Variants in TMC7 observed in about 807,000 individuals in gnomAD.
The protein encoded by TMC7 is transmembrane channel-like protein 7.
Under a neutral mutation model 82.9 loss-of-function variants are expected in TMC7, and 54 were observed. The ratio of observed to expected loss-of-function variants is 0.65; its 90% CI spans 0.52 to 0.82. The LOEUF (loss-of-function observed/expected upper bound fraction) is 0.82. TMC7 is among the 40% of genes least tolerant of loss of function. The pLI, the probability that TMC7 is intolerant of heterozygous loss-of-function variation, is 0.00. For missense variants in TMC7, 820 were observed against 901.2 expected (o/e 0.91, Z 1.15); for synonymous variants, 350 against 337.9 (o/e 1.04, Z -0.39).
At chr16:19,051,231 C>A (rs1961522886) in intron 12 of TMC7, among the ~76,000 whole-genome samples, 1 of 107,746 alleles carries the variant, frequency 9.3e-6, no homozygotes, top group South Asian at 4.1e-4. Flanking sequence ...TTTTTCTCCA[C>A]CAAAATCTTT....
intron 1 of TMC7, 176 bp downstream of exon 1, chr16:18,984,306 C>G: frequency 1.5e-6 from 2 of 1,316,490 alleles, no homozygotes; most frequent in Middle Eastern, 2.9e-4. Context: ...CCTGCTCCCT[C>G]CACAAACGCG....
chr16:19,045,888 G>A (rs1473091828), intron 11 of TMC7, among the ~76,000 whole-genome samples: 5 of 151,930 alleles, frequency 3.3e-5, no homozygotes, highest in Non-Finnish European at 7.4e-5. Flanking sequence ...GAGCCACCGC[G>A]CCCGGCCAAG....
At chr16:19,054,798 G>T (rs898255326) in intron 13 of TMC7, among the ~76,000 whole-genome samples, 2 of 137,508 alleles carry the variant, frequency 1.5e-5, no homozygotes, top group African/African-American at 5.4e-5. Context: ...AGGCTGGAGT[G>T]CAGTGTCACC....
chr16:19,020,469 ATTG>A (rs1959912379), intron 3 of TMC7, among the ~76,000 whole-genome samples: 2 of 152,214 alleles, frequency 1.3e-5, no homozygotes, highest in African/African-American at 4.8e-5. Context: ...AACAAGGTTT[ATTG>A]TTAATGTTAG....
intron 2 of TMC7, among the ~76,000 whole-genome samples, chr16:19,011,961 G>A (rs971905392): frequency 2.3e-4 from 35 of 152,040 alleles, no homozygotes; most frequent in Non-Finnish European, 7.4e-5. Context: ...GGGCAATGTA[G>A]TGAAACCCTG....
chr16:19,024,996 A>T (rs1187389286), intron 5 of TMC7, among the ~76,000 whole-genome samples: 1 of 152,064 alleles, frequency 6.6e-6, no homozygotes, highest in Non-Finnish European at 1.5e-5. Flanking sequence ...ACAGAGTGAG[A>T]CGCTGTCTCA....
chr16:19,017,814 G>A (rs906774781), intron 3 of TMC7, among the ~76,000 whole-genome samples: 30 of 152,072 alleles, frequency 2.0e-4, no homozygotes, highest in African/African-American at 7.2e-4. Flanking sequence ...GGGACTACAG[G>A]TGCCCGCCAC....
rs115798308 is a variant in TMC7 at position 19,048,055 on chromosome 16, T to G, written c.1740+806T>G. ...TTTGAGAGTTTTGTTAAGAATTTTTTTTATTAAGGCTGGATGTATTTTGTA... is the reference window on the plus strand; with the variant it reads ...TTTGAGAGTTTTGTTAAGAATTTTTGTTATTAAGGCTGGATGTATTTTGTA... On this transcript the variant is annotated intron_variant, in intron 12 of 15. Coordinates refer to ENST00000304381, the MANE Select transcript of TMC7 (RefSeq NM_024847.4). Among the ~76,000 whole-genome samples the G allele has an allele frequency of 8.4e-3, 1,276 of 152,270 alleles. 24 individuals are homozygous for G. The highest frequency in any genetic ancestry group is 0.029 in the African/African-American group (1,222 of 41,542).
intron 9 of TMC7, among the ~76,000 whole-genome samples, chr16:19,042,102 C>T (rs960661194): frequency 3.3e-5 from 5 of 152,280 alleles, no homozygotes; most frequent in East Asian, 1.9e-4. Flanking sequence ...TGTATCCCAG[C>T]AGAGGCACAG....
At chr16:19,019,720 G>A (rs1291284794) in intron 3 of TMC7, among the ~76,000 whole-genome samples, 1 of 152,132 alleles carries the variant, frequency 6.6e-6, no homozygotes, top group Admixed American at 6.6e-5. Context: ...GCTTTCTTCA[G>A]ATTTTCATTC....
chr16:19,052,581 G>GT (rs1961587673), intron 13 of TMC7, among the ~76,000 whole-genome samples: 1 of 152,174 alleles, frequency 6.6e-6, no homozygotes, highest in South Asian at 2.1e-4. Flanking sequence ...GGAGGCCCAG[G>GT]TGGGGGTACT....
At chr16:19,059,671 C>G in intron 15 of TMC7, 177 bp downstream of exon 15, 1 of 1,539,412 alleles carries the variant, frequency 6.5e-7, no homozygotes, top group Non-Finnish European at 8.7e-7. Flanking sequence ...ACTGATTCAT[C>G]CATTCCTTCA....
In TMC7 at chr16:19,060,037, G is replaced by A. The variant is rs554183723; in HGVS notation, c.2106+543G>A. 8 of 202,972 alleles carry A rather than the reference G, an allele frequency of 3.9e-5. No individual in the cohort carries two copies. The South Asian group carries it at 7.4e-4, about 19-fold the overall frequency. The allele number at this position is 202,972 out of a possible 1,614,324, so 12.6% of individuals were successfully genotyped here. Reference sequence around the variant, plus strand: ...CTACTCTGTGCCTTGTACTATGCTGGGTGCTGGGACGCTTTGGTGAACAAG... The same window carrying A: ...CTACTCTGTGCCTTGTACTATGCTGAGTGCTGGGACGCTTTGGTGAACAAG... On this transcript the variant is annotated intron_variant, in intron 15 of 15. Transcript: ENST00000304381.
chr16:19,054,239 A>G (rs1961666461), intron 13 of TMC7, among the ~76,000 whole-genome samples: 1 of 152,082 alleles, frequency 6.6e-6, no homozygotes, highest in Non-Finnish European at 1.5e-5. Context: ...TCATTTTGAA[A>G]AAGTTTAAAT....
Position 19,056,709 on chromosome 16 carries a change from C to T in TMC7, c.2027+12C>T. On this transcript the variant is annotated intron_variant, in intron 14 of 15. Coordinates refer to ENST00000304381, the MANE Select transcript of TMC7 (RefSeq NM_024847.4). The stretch of plus-strand genomic sequence containing the variant: ...TTCATGATTATTTGGTGAGTGAGAA[C>T]CACCAGGACCCACTGAGGCACGTGG... 1.9e-6 allele frequency: 3 copies of T among 1,611,434 alleles called. No individual in the cohort carries two copies. The highest frequency in any genetic ancestry group is 2.5e-6 in the Non-Finnish European group (3 of 1,178,218).
chr16:19,024,507 C>T (rs1960130525), intron 5 of TMC7, among the ~76,000 whole-genome samples: 1 of 151,956 alleles, frequency 6.6e-6, no homozygotes, highest in Admixed American at 6.6e-5. Context: ...CTATCTTTGC[C>T]CTTTAGACCA....
intron 5 of TMC7, among the ~76,000 whole-genome samples, chr16:19,025,215 C>A (rs1467568333): frequency 6.6e-6 from 1 of 152,068 alleles, no homozygotes; most frequent in Non-Finnish European, 1.5e-5. Flanking sequence ...CAAATGTTTC[C>A]TAGTGGACAA....
chr16:19,061,695 ATCC>A, intron 15 of TMC7, 80 bp from the exon 16 acceptor site: 1 of 1,202,596 alleles, frequency 8.3e-7, no homozygotes, highest in Non-Finnish European at 1.2e-6. Flanking sequence ...AGTGGTTAGA[ATCC>A]TCAGCCCTCA....
At chr16:19,012,124 T>C (rs1959389316) in intron 2 of TMC7, 1 of 68,126 alleles carries the variant, frequency 1.5e-5, no homozygotes, top group South Asian at 6.9e-4. Context: ...AGTGAGATGT[T>C]GTCTCAAAAA....
Sources: allele counts gnomAD v4.1 joint callset (sites outside exome capture counted in the v4.1 genomes callset), GRCh38; gene constraint gnomAD v4.1.1; transcripts MANE v1.5; gene names NCBI Gene and HGNC (gene_info 2026-07-23, HGNC 2026-07-21).